The following WDR7 variants were observed in gnomAD, a reference collection of about 807,000 sequenced individuals.
WDR7 encodes the protein WD repeat domain 7.
WDR7 carries 46 observed loss-of-function variants against 169.4 expected under a neutral mutation model. The observed-to-expected ratio is 0.27, with a 90% CI of 0.21 to 0.35. The LOEUF (loss-of-function observed/expected upper bound fraction) is 0.35, where lower values mean the gene tolerates loss of function less well. Ranked by LOEUF, WDR7 falls within the 10% of genes least tolerant of loss-of-function variation. The pLI is 1.00. For missense variants in WDR7, 1,534 were observed against 1,859.3 expected (o/e 0.83, Z 3.22); for synonymous variants, 612 against 666.8 (o/e 0.92, Z 1.27).
chr18:56,682,229 C>T (rs560945152), intron 4 of WDR7, among the ~76,000 whole-genome samples: 1 of 152,250 alleles, frequency 6.6e-6, no homozygotes, highest in Non-Finnish European at 1.5e-5. Context: ...ATTGTATTTG[C>T]ATAACTAGTA....
chr18:57,026,242 T>A (rs559715990), intron 27 of WDR7, among the ~76,000 whole-genome samples: 6 of 152,252 alleles, frequency 3.9e-5, no homozygotes, highest in Non-Finnish European at 8.8e-5. Context: ...TTTTCATTTA[T>A]GTGGCTGGAT....
At chr18:56,776,990 T>G in intron 17 of WDR7, 110 bp downstream of exon 17, 1 of 1,041,562 alleles carries the variant, frequency 9.6e-7, no homozygotes, top group Non-Finnish European at 1.5e-6. Context: ...TATGAGATTC[T>G]AAAGTTCCCA....
chr18:56,868,963 C>T (rs2045918854), intron 20 of WDR7, among the ~76,000 whole-genome samples: 3 of 151,114 alleles, frequency 2.0e-5, no homozygotes. Context: ...ATAGTAAAGG[C>T]AAAGAAAAAA....
intron 26 of WDR7, among the ~76,000 whole-genome samples, chr18:56,980,370 G>A (rs754394103): frequency 2.6e-5 from 4 of 152,134 alleles, no homozygotes; most frequent in East Asian, 1.9e-4. Flanking sequence ...GTGTGGAGCC[G>A]TGTGTAGAAG....
intron 2 of WDR7, among the ~76,000 whole-genome samples, chr18:56,676,983 T>G (rs1302711552): frequency 1.3e-5 from 2 of 152,220 alleles, no homozygotes; most frequent in Non-Finnish European, 2.9e-5. Context: ...TTGTAGTTAT[T>G]TTTGATTGTT....
In WDR7 at chr18:56,731,274, T is replaced by C. The variant is rs143516409; in HGVS notation, c.1775-109T>C. ...ACAAAAAAAAATTTCCAGGAGGCAT[T>C]GATAAAACATGTTTCTACTTAAAAA... On this transcript the variant is annotated intron_variant, in intron 13 of 27. Transcript: ENST00000254442. 82 of 1,302,144 alleles carry C rather than the reference T, an allele frequency of 6.3e-5. 1 individual carries two copies. In the African/African-American group the frequency reaches 1.0e-3, roughly 17 times the overall value. 80.7% of individuals were successfully genotyped at this position (1,302,144 alleles called of 1,614,324 possible).
chr18:56,750,250 AATCTGAAATGGTTAG>A (rs772173267), intron 14 of WDR7, among the ~76,000 whole-genome samples: 11 of 152,138 alleles, frequency 7.2e-5, no homozygotes, highest in Non-Finnish European at 1.2e-4. Flanking sequence ...CCTTATTTAA[AATCTGAAATGGTTAG>A]ATCTGTATTT....
chr18:56,902,904 T>C (rs2046422243), intron 21 of WDR7, among the ~76,000 whole-genome samples: 2 of 152,218 alleles, frequency 1.3e-5, no homozygotes, highest in African/African-American at 4.8e-5. Context: ...TTTTTCATTC[T>C]CTCAAAAATG....
At chr18:56,745,231 A>G (rs564475335) in intron 14 of WDR7, among the ~76,000 whole-genome samples, 1 of 152,340 alleles carries the variant, frequency 6.6e-6, no homozygotes, top group African/African-American at 2.4e-5. Context: ...TGAAAGCAAG[A>G]TAACAGCATT....
intron 20 of WDR7, among the ~76,000 whole-genome samples, chr18:56,825,784 A>G (rs1205278283): frequency 6.6e-6 from 1 of 152,186 alleles, no homozygotes; most frequent in Non-Finnish European, 1.5e-5. Context: ...TGAAATGTGA[A>G]GAAAATACTT....
intron 21 of WDR7, among the ~76,000 whole-genome samples, chr18:56,892,598 T>G (rs1324173947): frequency 6.6e-6 from 1 of 152,106 alleles, no homozygotes; most frequent in Non-Finnish European, 1.5e-5. Context: ...GGTTGTTTCA[T>G]GCTAAAACAG....
chr18:56,684,224 A>G (rs2025402748), intron 5 of WDR7, among the ~76,000 whole-genome samples: 1 of 152,188 alleles, frequency 6.6e-6, no homozygotes, highest in African/African-American at 2.4e-5. Flanking sequence ...AAGAAGTATG[A>G]GGGAAGGAGT....
intron 21 of WDR7, among the ~76,000 whole-genome samples, chr18:56,888,200 A>G (rs1295833479): frequency 5.3e-5 from 8 of 152,240 alleles, no homozygotes. Context: ...TTCAAAAGCC[A>G]TACTTAGTTT....
intron 1 of WDR7, among the ~76,000 whole-genome samples, chr18:56,660,288 T>G (rs619558): frequency 0.95 from 143,901 of 152,150 alleles, 68,553 homozygotes; most frequent in East Asian, 1. Flanking sequence ...CTGGACATAC[T>G]GATTTGGATT....
intron 20 of WDR7, among the ~76,000 whole-genome samples, chr18:56,838,361 G>T (rs1164401245): frequency 6.6e-6 from 1 of 152,144 alleles, no homozygotes; most frequent in African/African-American, 2.4e-5. Context: ...TTGACTGATT[G>T]TACCAAACTG....
intron 19 of WDR7, among the ~76,000 whole-genome samples, chr18:56,815,001 C>T (rs562517541): frequency 3.4e-4 from 51 of 152,152 alleles, no homozygotes; most frequent in African/African-American, 1.0e-3. Context: ...GGATCTGTTA[C>T]GGTGGTTTGT....
intron 19 of WDR7, among the ~76,000 whole-genome samples, chr18:56,808,883 A>G (rs2044821563): frequency 6.6e-6 from 1 of 152,168 alleles, no homozygotes; most frequent in Admixed American, 6.6e-5. Context: ...ATATTGCATA[A>G]AATTGGGAAG....
chr18:56,850,557 T>A (rs1176796239), intron 20 of WDR7, among the ~76,000 whole-genome samples: 2 of 152,232 alleles, frequency 1.3e-5, no homozygotes, highest in African/African-American at 4.8e-5. Context: ...TTACCCAGGC[T>A]AGAGTACAGT....
chr18:56,979,883 G>A (rs556162013), intron 26 of WDR7, among the ~76,000 whole-genome samples: 1 of 152,124 alleles, frequency 6.6e-6, no homozygotes, highest in Non-Finnish European at 1.5e-5. Context: ...ATTTCTATAC[G>A]TTGGGAAAAT....
Sources: allele counts gnomAD v4.1 joint callset (sites outside exome capture counted in the v4.1 genomes callset), GRCh38; gene constraint gnomAD v4.1.1; transcripts MANE v1.5; gene names NCBI Gene and HGNC (gene_info 2026-07-23, HGNC 2026-07-21).